Variants in KLF12 observed in about 807,000 individuals in gnomAD.
The protein encoded by KLF12 is KLF transcription factor 12, also known as Krueppel-like factor 12.
KLF12 carries 9 observed loss-of-function variants against 37.8 expected under a neutral mutation model. The observed-to-expected ratio is 0.24, with a 90% CI of 0.14 to 0.42. The LOEUF is 0.42. Among genes scored for constraint, KLF12 ranks in the 10% least tolerant of loss-of-function variants. The pLI is 1.00. For synonymous variants in KLF12, 208 were observed against 202.1 expected, an observed-to-expected ratio of 1.03 and a Z score of -0.25; for missense variants, 411 against 516.0, an observed-to-expected ratio of 0.80 and a Z score of 1.97.
chr13:74,209,523 C>CACACAA, the KLF12 span, among the ~76,000 whole-genome samples: 3 of 1,086 alleles, frequency 2.8e-3, no homozygotes, highest in African/African-American at 5.5e-3. Context: ...ACATCTTAGT[C>CACACAA]ACACACACAC....
chr13:73,776,572 C>T (rs1016721083), intron 5 of KLF12, among the ~76,000 whole-genome samples: 1 of 152,238 alleles, frequency 6.6e-6, no homozygotes, highest in Non-Finnish European at 1.5e-5. Context: ...GGGACTCTCA[C>T]ATTTGACCAA....
rs1873524505 is a variant in KLF12, at chr13:73,686,863, T to A, written c.*8627A>T. On this transcript the variant is annotated 3_prime_UTR_variant, in exon 8 of 8. Coordinates refer to ENST00000377669, the MANE Select transcript of KLF12 (RefSeq NM_007249.5). ...CTCGTGATCCAATCACCACGTATAA[T>A]GAGCTAAACGTCAAGGAAAAGAAAA... 1 of 152,218 alleles carries A rather than the reference T, an allele frequency of 6.6e-6. No individual in the cohort carries two copies. Among genetic ancestry groups the A allele is most frequent in the African/African-American group, 2.4e-5 (1 of 41,440 alleles). 9.4% of individuals were successfully genotyped at this position (152,218 alleles called of 1,614,324 possible).
intron 3 of KLF12, among the ~76,000 whole-genome samples, chr13:73,893,545 C>T (rs1443885299): frequency 6.6e-6 from 1 of 151,774 alleles, no homozygotes; most frequent in Non-Finnish European, 1.5e-5. Context: ...CTATACCTGG[C>T]TAATTTTTGT....
chr13:74,292,044 G>A, the KLF12 span, among the ~76,000 whole-genome samples: 1 of 152,156 alleles, frequency 6.6e-6, no homozygotes, highest in Non-Finnish European at 1.5e-5. Context: ...AAGAGCATGG[G>A]AAATGAGACC....
At chr13:74,018,314 G>C (rs1225895088) in intron 1 of KLF12, among the ~76,000 whole-genome samples, 1 of 152,114 alleles carries the variant, frequency 6.6e-6, no homozygotes, top group Non-Finnish European at 1.5e-5. Flanking sequence ...TGGAGTAGTT[G>C]GGGAGATGTT....
At chr13:74,005,701 T>C (rs1476964765) in intron 1 of KLF12, among the ~76,000 whole-genome samples, 1 of 152,218 alleles carries the variant, frequency 6.6e-6, no homozygotes, top group Non-Finnish European at 1.5e-5. Context: ...ATACAGCATC[T>C]AAATGAATAC....
chr13:73,986,590 C>G (rs1461566074), intron 2 of KLF12, among the ~76,000 whole-genome samples: 2 of 152,052 alleles, frequency 1.3e-5, no homozygotes. Flanking sequence ...GGTTACATGG[C>G]AAAGGGGAAT....
At chr13:73,883,670 T>C (rs1887085519) in intron 3 of KLF12, among the ~76,000 whole-genome samples, 1 of 152,194 alleles carries the variant, frequency 6.6e-6, no homozygotes, top group Non-Finnish European at 1.5e-5. Flanking sequence ...GATACATCCA[T>C]CTTTGCTTCA....
the KLF12 span, among the ~76,000 whole-genome samples, chr13:74,187,189 A>G: frequency 6.6e-6 from 1 of 152,116 alleles, no homozygotes; most frequent in Non-Finnish European, 1.5e-5. Flanking sequence ...TTAGCTGGGT[A>G]TGGTGGCATG....
intron 4 of KLF12, among the ~76,000 whole-genome samples, chr13:73,843,249 A>G (rs575867609): frequency 2.6e-5 from 4 of 152,224 alleles, no homozygotes; most frequent in African/African-American, 9.6e-5. Flanking sequence ...GGGAGAGATA[A>G]TAAGTAATTT....
chr13:73,974,059 A>G lies in KLF12; in HGVS notation c.33+20931T>C, dbSNP rs9634725. Among the ~76,000 whole-genome samples, 1,216 of 152,310 alleles carry G rather than the reference A, an allele frequency of 8.0e-3. 41 individuals carry two copies. In the East Asian group the frequency reaches 0.12, roughly 15 times the overall value. On this transcript the variant is annotated intron_variant, in intron 2 of 7. Coordinates refer to ENST00000377669, the MANE Select transcript of KLF12 (RefSeq NM_007249.5). The stretch of plus-strand genomic sequence containing the variant: ...TAATGTAGAAGAAAGGCTTAATTCC[A>G]AAGAATACAGAGGAGGAAGACAAAT...
chr13:74,017,417 T>C (rs893976456), intron 1 of KLF12, among the ~76,000 whole-genome samples: 4 of 151,676 alleles, frequency 2.6e-5, no homozygotes, highest in Non-Finnish European at 5.9e-5. Flanking sequence ...ATCTTAATCA[T>C]ATCTTTAACT....
chr13:74,153,077 G>C, the KLF12 span, among the ~76,000 whole-genome samples: 2 of 152,024 alleles, frequency 1.3e-5, no homozygotes, highest in African/African-American at 4.8e-5. Flanking sequence ...TAACATATAT[G>C]TTGGGTTTAA....
At chr13:73,809,353 C>T (rs568491900) in intron 5 of KLF12, among the ~76,000 whole-genome samples, 4 of 132,130 alleles carry the variant, frequency 3.0e-5, no homozygotes, top group African/African-American at 1.1e-4. Context: ...CAGAAGTCAT[C>T]AAGATACGGA....
chr13:74,218,398 G>T, the KLF12 span, among the ~76,000 whole-genome samples: 1 of 152,160 alleles, frequency 6.6e-6, no homozygotes, highest in East Asian at 1.9e-4. Context: ...GGGAAATGCG[G>T]TTGTCTGGGA....
At chr13:73,973,266 T>C (rs1387589012) in intron 2 of KLF12, among the ~76,000 whole-genome samples, 1 of 152,180 alleles carries the variant, frequency 6.6e-6, no homozygotes, top group African/African-American at 2.4e-5. Flanking sequence ...ATAGGGCTCT[T>C]ACCAATAAAA....
At chr13:73,731,536 C>CAAAAAAAAAAA (rs66701744) in intron 6 of KLF12, among the ~76,000 whole-genome samples, 8 of 103,522 alleles carry the variant, frequency 7.7e-5, no homozygotes, top group Non-Finnish European at 1.3e-4. Flanking sequence ...GGAAATTAGA[C>CAAAAAAAAAAA]AAAAAAAAAA....
rs575659792 is a variant in KLF12, at chr13:73,764,787, G to A, written c.869+151C>T. 329 of 442,782 alleles carry A rather than the reference G, an allele frequency of 7.4e-4. 1 individual carries two copies. The highest frequency in any genetic ancestry group is 1.2e-3 in the Non-Finnish European group (300 of 246,560). The allele number at this position is 442,782 out of a possible 1,614,324, so 27.4% of individuals were successfully genotyped here. ...AAGGAACTCTATCAATATTTATTTC[G>A]AACTGTCCAGAGGAAAGGAAGACCG... On this transcript the variant is annotated intron_variant, in intron 6 of 7. Coordinates refer to ENST00000377669, the MANE Select transcript of KLF12 (RefSeq NM_007249.5).
intron 6 of KLF12, among the ~76,000 whole-genome samples, chr13:73,744,733 G>T (rs972927755): frequency 5.3e-5 from 8 of 152,168 alleles, no homozygotes; most frequent in African/African-American, 1.9e-4. Flanking sequence ...ACAAAACGAT[G>T]CTCAGCACTT....
Sources: allele counts gnomAD v4.1 joint callset (sites outside exome capture counted in the v4.1 genomes callset), GRCh38; gene constraint gnomAD v4.1.1; transcripts MANE v1.5; gene names NCBI Gene and HGNC (gene_info 2026-07-23, HGNC 2026-07-21).